The following PAH variants were observed in gnomAD, a reference collection of about 807,000 sequenced individuals.
The protein encoded by PAH is phenylalanine hydroxylase, also known as phenylalanine-4-hydroxylase.
PAH carries 64 observed loss-of-function variants against 62.0 expected under a neutral mutation model. That is an observed-to-expected ratio of 1.03 (90% CI 0.84 to 1.27). The LOEUF (loss-of-function observed/expected upper bound fraction) is 1.27, where lower values mean the gene tolerates loss of function less well. Among genes scored for constraint, PAH ranks in the 50% most tolerant of loss-of-function variants. The probability of loss-of-function intolerance (pLI) is 0.00; values close to 1 mark genes in which losing one functional copy is unlikely to be tolerated. For missense variants in PAH, 579 were observed against 542.8 expected (o/e 1.07, Z -0.66); for synonymous variants, 195 against 196.2 (o/e 0.99, Z 0.05).
At chr12:102,847,072 C>A in intron 8 of PAH, 121 bp from the exon 9 acceptor site, 1 of 768,326 alleles carries the variant, frequency 1.3e-6, no homozygotes, top group Admixed American at 1.9e-5. Context: ...CCCACATAGA[C>A]CCTGAGTGTG....
At chr12:102,870,626 AC>A (rs1876267946) in intron 4 of PAH, among the ~76,000 whole-genome samples, 1 of 152,192 alleles carries the variant, frequency 6.6e-6, no homozygotes, top group Non-Finnish European at 1.5e-5. Context: ...GGGCTTTTAA[AC>A]CAACATCTAC....
Position 102,957,978 on chromosome 12 carries a change from A to G in PAH, c.-96+217T>C, listed in dbSNP as rs1293254215. On this transcript the variant is annotated intron_variant, in intron 1 of 4. Transcript: ENST00000551337. The surrounding 1 kb of genome is among the most constrained non-coding windows in gnomAD (Gnocchi z 4.1). ...CGCGAGCGCCACGCGAGGCTCCCGA[A>G]GCCAACCCGCGAAGGGAGGAGGGGA... is the stretch of plus-strand genomic sequence containing the variant. The G allele has an allele frequency of 3.1e-6, 1 of 317,896 alleles. No individual in the cohort carries two copies. The highest frequency in any genetic ancestry group is 5.7e-6 in the Non-Finnish European group (1 of 175,184). 19.7% of individuals were successfully genotyped at this position (317,896 alleles called of 1,614,324 possible).
At chr12:102,855,058 T>G (rs1231802115) in intron 6 of PAH, 78 bp downstream of exon 6, 7 of 1,174,854 alleles carry the variant, frequency 6.0e-6, no homozygotes, top group Non-Finnish European at 9.0e-6. Flanking sequence ...CTCCACATAC[T>G]TGTCTTCCCC....
chr12:102,899,612 C>A (rs927624339), intron 2 of PAH, among the ~76,000 whole-genome samples: 1 of 151,834 alleles, frequency 6.6e-6, no homozygotes, highest in Non-Finnish European at 1.5e-5. Flanking sequence ...GTAATCCCAG[C>A]ACTTTGGGAG....
chr12:102,870,411 G>A (rs1225788738), intron 4 of PAH, among the ~76,000 whole-genome samples: 1 of 152,162 alleles, frequency 6.6e-6, no homozygotes, highest in Non-Finnish European at 1.5e-5. Flanking sequence ...AAATAAGACT[G>A]TCAATCCTAC....
chr12:102,903,415 G>A (rs1565870149), intron 2 of PAH, among the ~76,000 whole-genome samples: 2 of 56,208 alleles, frequency 3.6e-5, no homozygotes, highest in Non-Finnish European at 6.6e-5. Context: ...ACAACCTTAT[G>A]TATGGAGCAA....
At chr12:102,882,101 T>C (rs1876833740) in intron 3 of PAH, among the ~76,000 whole-genome samples, 1 of 152,218 alleles carries the variant, frequency 6.6e-6, no homozygotes, top group African/African-American at 2.4e-5. Context: ...TTCTCTCTTC[T>C]CCGCATCCTT....
chr12:102,841,151 G>GT (rs1195648579), intron 11 of PAH, among the ~76,000 whole-genome samples: 2 of 152,152 alleles, frequency 1.3e-5, no homozygotes, highest in African/African-American at 2.4e-5. Flanking sequence ...CATACTGTCA[G>GT]TAAGTTATGC....
At chr12:102,943,322 T>G (rs960776002) in intron 1 of PAH, among the ~76,000 whole-genome samples, 1 of 152,070 alleles carries the variant, frequency 6.6e-6, no homozygotes, top group African/African-American at 2.4e-5. Context: ...GAAAAAATGC[T>G]CAACATCACT....
chr12:102,899,822 G>A, intron 2 of PAH, among the ~76,000 whole-genome samples: 1 of 102,632 alleles, frequency 9.7e-6, no homozygotes, highest in South Asian at 4.1e-4. Context: ...TCCCGCCACT[G>A]CACTCCAGCC....
At chr12:102,923,987 A>G (rs1878619723) in intron 1 of PAH, among the ~76,000 whole-genome samples, 1 of 152,184 alleles carries the variant, frequency 6.6e-6, no homozygotes, top group Non-Finnish European at 1.5e-5. Flanking sequence ...TCTTGCCTTT[A>G]TACACGAGTT....
At chr12:102,840,361 T>C (rs755838121) in intron 12 of PAH, 39 bp downstream of exon 12, 8 of 1,201,820 alleles carry the variant, frequency 6.7e-6, no homozygotes, top group Non-Finnish European at 6.2e-6. Flanking sequence ...CTTCGATTAC[T>C]GAGAAACCGA....
chr12:102,845,831 T>C (rs772893), intron 9 of PAH, among the ~76,000 whole-genome samples: 130,124 of 152,146 alleles, frequency 0.86, 55,727 homozygotes, highest in South Asian at 0.91. Flanking sequence ...GGACTGTTCC[T>C]CAACCAATCA....
intron 3 of PAH, among the ~76,000 whole-genome samples, chr12:102,885,067 AG>A (rs372901213): frequency 6.6e-6 from 1 of 152,272 alleles, no homozygotes; most frequent in African/African-American, 2.4e-5. Flanking sequence ...GTGGTGGTGA[AG>A]GGGTGCTTTT....
chr12:102,848,631 C>T (rs1874993969), intron 8 of PAH, among the ~76,000 whole-genome samples: 1 of 150,752 alleles, frequency 6.6e-6, no homozygotes, highest in African/African-American at 2.4e-5. Flanking sequence ...CACCAGGACA[C>T]TGGAGAGGTA....
chr12:102,957,490 A>AG lies in PAH; in HGVS notation c.-96+704dup, dbSNP rs3834469. 1.4e-4 allele frequency among the ~76,000 whole-genome samples: 18 copies of AG among 129,794 alleles called. No individual in the cohort carries two copies. In the South Asian group the frequency reaches 3.0e-3, roughly 22 times the overall value. 85.1% of individuals were successfully genotyped at this position (129,794 alleles called of 152,430 possible). A position where few individuals can be genotyped will look rare whatever the true frequency, so the allele number is the denominator to read the frequency against. ...GCAAGGAGCGGGAGAAAGGAACGGG[A>AG]GGGGGGGAGAGGAGAGGAGGAGGGG... On this transcript the variant is annotated intron_variant, in intron 1 of 4. Coordinates refer to the PAH transcript ENST00000551337. This position sits in a 1 kb window ranked among gnomAD's most constrained non-coding sequence, Gnocchi z 4.1.
chr12:102,951,445 A>C (rs113798328), upstream of PAH, among the ~76,000 whole-genome samples: 1 of 152,200 alleles, frequency 6.6e-6, no homozygotes, highest in Non-Finnish European at 1.5e-5. Flanking sequence ...GTGAATCTAC[A>C]TAGCACCCTA....
Position 102,902,189 on chromosome 12 carries a change from T to C in PAH, c.169-7271A>G, listed in dbSNP as rs142557042. Among the ~76,000 whole-genome samples the C allele has an allele frequency of 8.1e-3, 1,222 of 151,770 alleles. 9 individuals carry two copies. The highest frequency in any genetic ancestry group is 0.017 in the Middle Eastern group (5 of 292). On this transcript the variant is annotated intron_variant, in intron 2 of 12. Transcript: ENST00000553106. ...AACAGCCAGTGCAAGGGTCCTGGAGTAAGAGAATGCACAATGTGAGGGCAG... is the reference window on the plus strand; with the variant it reads ...AACAGCCAGTGCAAGGGTCCTGGAGCAAGAGAATGCACAATGTGAGGGCAG...
chr12:102,910,817 A>G (rs1161644074), intron 2 of PAH, among the ~76,000 whole-genome samples: 3 of 144,032 alleles, frequency 2.1e-5, no homozygotes, highest in Non-Finnish European at 4.5e-5. Context: ...GCTTTCAAGC[A>G]CGTTGGCCCT....
Sources: gnomAD v4.1 joint callset for allele counts (sites outside exome capture counted in the v4.1 genomes callset) on GRCh38, gnomAD v4.1.1 for gene constraint, Gnocchi (gnomAD v3.1) non-coding constraint, MANE v1.5 for transcripts, NCBI Gene and HGNC (gene_info 2026-07-23, HGNC 2026-07-21) for gene names.